Variants in GPC6 observed in about 807,000 individuals in gnomAD.
The protein encoded by GPC6 is glypican 6.
GPC6 carries 14 observed loss-of-function variants against 55.2 expected under a neutral mutation model. That is an observed-to-expected ratio of 0.25 (90% CI 0.17 to 0.40). The LOEUF is 0.40. Ranked by LOEUF, GPC6 falls within the 10% of genes least tolerant of loss-of-function variation. The probability of loss-of-function intolerance (pLI) is 1.00; values close to 1 mark genes in which losing one functional copy is unlikely to be tolerated. For synonymous variants in GPC6, 278 were observed against 259.6 expected (o/e 1.07, Z -0.68); for missense variants, 641 against 708.5 (o/e 0.90, Z 1.08).
intron 1 of GPC6, among the ~76,000 whole-genome samples, chr13:93,305,898 C>T (rs1407456295): frequency 2.6e-5 from 4 of 152,146 alleles, no homozygotes; most frequent in African/African-American, 9.7e-5. Context: ...TTTTGCCTCC[C>T]ATATGCACTG....
chr13:93,766,187 A>G (rs1266142935), intron 2 of GPC6, among the ~76,000 whole-genome samples: 1 of 152,210 alleles, frequency 6.6e-6, no homozygotes, highest in Non-Finnish European at 1.5e-5. Flanking sequence ...GAAGTTATTC[A>G]GCAAAAGAAT....
intron 4 of GPC6, among the ~76,000 whole-genome samples, chr13:94,089,412 T>C (rs1885402749): frequency 6.6e-6 from 1 of 152,178 alleles, no homozygotes; most frequent in African/African-American, 2.4e-5. Context: ...ATTTTCAGCC[T>C]GGGAAATCAG....
At chr13:93,376,853 C>G (rs1346647641) in intron 1 of GPC6, among the ~76,000 whole-genome samples, 1 of 150,506 alleles carries the variant, frequency 6.6e-6, no homozygotes, top group East Asian at 1.9e-4. Context: ...TTAGGCATTT[C>G]CAGACACTGT....
At chr13:94,113,335 C>CA (rs953443037) in intron 4 of GPC6, among the ~76,000 whole-genome samples, 2 of 151,254 alleles carry the variant, frequency 1.3e-5, no homozygotes, top group African/African-American at 4.8e-5. Flanking sequence ...CCTCAGGAGC[C>CA]AAAAAAAAGT....
At chr13:94,216,000 C>T (rs181696605) in intron 4 of GPC6, among the ~76,000 whole-genome samples, 22 of 80,084 alleles carry the variant, frequency 2.7e-4, no homozygotes, top group Middle Eastern at 0.014. Context: ...GACGTTAGTT[C>T]CTATTCTTTG....
At chr13:93,269,330 T>A (rs982077426) in intron 1 of GPC6, among the ~76,000 whole-genome samples, 2 of 152,190 alleles carry the variant, frequency 1.3e-5, no homozygotes, top group African/African-American at 4.8e-5. Flanking sequence ...GTATAAAGCC[T>A]ATAATTTTTG....
At chr13:94,288,380 A>G (rs1025949345) in intron 5 of GPC6, among the ~76,000 whole-genome samples, 1 of 152,004 alleles carries the variant, frequency 6.6e-6, no homozygotes, top group African/African-American at 2.4e-5. Context: ...CCAGTAGCCA[A>G]AGTATTTCTA....
chr13:94,291,976 A>G (rs1384668153), intron 5 of GPC6, among the ~76,000 whole-genome samples: 2 of 152,180 alleles, frequency 1.3e-5, no homozygotes, highest in Non-Finnish European at 2.9e-5. Flanking sequence ...AGCAGTTACT[A>G]TTAGAAGTCA....
intron 2 of GPC6, among the ~76,000 whole-genome samples, chr13:93,555,531 T>G (rs533644614): frequency 6.6e-6 from 1 of 152,296 alleles, no homozygotes; most frequent in South Asian, 2.1e-4. Flanking sequence ...CCATTAACTC[T>G]TAGGGTCCAT....
chr13:93,692,687 T>C (rs1262467915), intron 2 of GPC6, among the ~76,000 whole-genome samples: 1 of 152,086 alleles, frequency 6.6e-6, no homozygotes, highest in Non-Finnish European at 1.5e-5. Flanking sequence ...AGGAAAGCCT[T>C]TTCTTCACTC....
intron 5 of GPC6, among the ~76,000 whole-genome samples, chr13:94,294,483 A>G (rs937161749): frequency 1.3e-4 from 19 of 151,374 alleles, no homozygotes; most frequent in Non-Finnish European, 2.7e-4. Flanking sequence ...CAGAGAATGT[A>G]ATAACTTCTG....
chr13:93,804,475 G>T (rs1175350082), intron 2 of GPC6, among the ~76,000 whole-genome samples: 1 of 152,126 alleles, frequency 6.6e-6, no homozygotes, highest in South Asian at 2.1e-4. Flanking sequence ...TCACCTGTCG[G>T]TTCCAAATCT....
intron 2 of GPC6, among the ~76,000 whole-genome samples, chr13:93,768,838 T>C (rs1333267199): frequency 6.6e-6 from 1 of 152,134 alleles, no homozygotes; most frequent in Non-Finnish European, 1.5e-5. Flanking sequence ...CAGTCCTCTT[T>C]GGGGGTCATT....
intron 1 of GPC6, among the ~76,000 whole-genome samples, chr13:93,397,420 C>A (rs540415620): frequency 6.6e-6 from 1 of 152,208 alleles, no homozygotes; most frequent in East Asian, 1.9e-4. Context: ...TCAACATTTT[C>A]TCAAGTGCTG....
intron 5 of GPC6, among the ~76,000 whole-genome samples, chr13:94,296,005 C>T (rs933819736): frequency 2.0e-5 from 3 of 151,650 alleles, no homozygotes; most frequent in African/African-American, 7.3e-5. Flanking sequence ...GACTTCATTA[C>T]CTAGCACACA....
At chr13:94,122,489 T>C (rs1886667005) in intron 4 of GPC6, among the ~76,000 whole-genome samples, 1 of 152,074 alleles carries the variant, frequency 6.6e-6, no homozygotes, top group African/African-American at 2.4e-5. Context: ...AGTAATTAGG[T>C]TGGATGACCA....
intron 2 of GPC6, among the ~76,000 whole-genome samples, chr13:93,602,050 C>T (rs1055252547): frequency 6.6e-6 from 1 of 152,094 alleles, no homozygotes; most frequent in Non-Finnish European, 1.5e-5. Flanking sequence ...CTATAATGGA[C>T]ATTCTGTAGA....
intron 1 of GPC6, among the ~76,000 whole-genome samples, chr13:93,326,503 A>G (rs562741220): frequency 4.9e-4 from 74 of 152,298 alleles, no homozygotes; most frequent in African/African-American, 1.5e-3. Flanking sequence ...AGAAACTTAT[A>G]AAAAATCTTT....
At chr13:94,085,321 C>CAAAAAAA (rs33967804) in intron 4 of GPC6, among the ~76,000 whole-genome samples, 4 of 87,078 alleles carry the variant, frequency 4.6e-5, no homozygotes, top group African/African-American at 1.3e-4. Context: ...GATTCTGTCT[C>CAAAAAAA]AAAAAAAAAA....
Sources: allele counts gnomAD v4.1 joint callset (sites outside exome capture counted in the v4.1 genomes callset), GRCh38; gene constraint gnomAD v4.1.1; transcripts MANE v1.5; gene names NCBI Gene and HGNC (gene_info 2026-07-23, HGNC 2026-07-21).